Variants in STXBP5L observed in about 807,000 individuals in gnomAD.
STXBP5L encodes syntaxin-binding protein 5-like.
Under a neutral mutation model 144.5 loss-of-function variants are expected in STXBP5L, and 65 were observed. The ratio of observed to expected loss-of-function variants is 0.45; its 90% CI spans 0.37 to 0.55. The LOEUF (loss-of-function observed/expected upper bound fraction) is 0.55, where lower values mean the gene tolerates loss of function less well. STXBP5L is among the 20% of genes least tolerant of loss of function. The pLI is 0.00. For missense variants in STXBP5L, 1,298 were observed against 1,405.5 expected, an observed-to-expected ratio of 0.92 and a Z score of 1.22; for synonymous variants, 505 against 469.6, an observed-to-expected ratio of 1.08 and a Z score of -0.97.
chr3:121,096,704 T>G (rs1013828377), intron 5 of STXBP5L, among the ~76,000 whole-genome samples: 1 of 152,102 alleles, frequency 6.6e-6, no homozygotes, highest in East Asian at 1.9e-4. Flanking sequence ...AAAGCCTGTT[T>G]TTTCCTCTGG....
chr3:120,985,682 T>A (rs9817971), intron 3 of STXBP5L, among the ~76,000 whole-genome samples: 15,088 of 152,014 alleles, frequency 0.099, 1,185 homozygotes, highest in Admixed American at 0.2. Flanking sequence ...TGTCCATTTC[T>A]TCTAGATTCT....
chr3:120,911,087 A>G (rs1024169739), intron 2 of STXBP5L, among the ~76,000 whole-genome samples: 1 of 152,074 alleles, frequency 6.6e-6, no homozygotes, highest in Non-Finnish European at 1.5e-5. Flanking sequence ...AGATTCTGAA[A>G]ATTTTTTCCA....
At chr3:120,920,217 A>T (rs1028313621) in intron 2 of STXBP5L, among the ~76,000 whole-genome samples, 3 of 151,754 alleles carry the variant, frequency 2.0e-5, no homozygotes, top group Non-Finnish European at 4.4e-5. Flanking sequence ...GAAAGTATTT[A>T]ATCTGGGTCA....
At chr3:121,088,060 G>T (rs2042586926) in intron 5 of STXBP5L, among the ~76,000 whole-genome samples, 1 of 152,066 alleles carries the variant, frequency 6.6e-6, no homozygotes, top group Admixed American at 6.5e-5. Context: ...TAATTTAGAA[G>T]CTCCGGCAAC....
intron 20 of STXBP5L, among the ~76,000 whole-genome samples, chr3:121,319,361 C>A (rs1254074789): frequency 1.3e-5 from 2 of 152,084 alleles, no homozygotes; most frequent in African/African-American, 4.8e-5. Flanking sequence ...CATTATAAAG[C>A]AACGAATTTG....
At chr3:121,314,637 G>A (rs922782931) in intron 19 of STXBP5L, among the ~76,000 whole-genome samples, 41 of 151,046 alleles carry the variant, frequency 2.7e-4, no homozygotes, top group African/African-American at 9.5e-4. Flanking sequence ...GAGGGAGAGC[G>A]TAAGCGTAAA....
chr3:121,043,470 G>T (rs1947297654), intron 4 of STXBP5L, among the ~76,000 whole-genome samples: 1 of 115,650 alleles, frequency 8.6e-6, no homozygotes, highest in Non-Finnish European at 2.2e-5. Flanking sequence ...TAGCACTTTG[G>T]GAAGTTAAGG....
chr3:120,993,725 A>G (rs528557903), intron 3 of STXBP5L, among the ~76,000 whole-genome samples: 1 of 152,176 alleles, frequency 6.6e-6, no homozygotes, highest in African/African-American at 2.4e-5. Flanking sequence ...TTTTGACATC[A>G]GGTAGTGTGA....
At chr3:120,936,169 G>T (rs1020099525) in intron 2 of STXBP5L, among the ~76,000 whole-genome samples, 3 of 152,050 alleles carry the variant, frequency 2.0e-5, no homozygotes, top group African/African-American at 7.2e-5. Context: ...CTTCATTTCT[G>T]TTAGAGGGCT....
At chr3:121,033,620 G>GT (rs1288926074) in intron 3 of STXBP5L, among the ~76,000 whole-genome samples, 2 of 150,772 alleles carry the variant, frequency 1.3e-5, no homozygotes, top group Admixed American at 6.6e-5. Flanking sequence ...AAATTCGTGT[G>GT]TTTTTTATGG....
At chr3:120,971,584 T>C (rs1205476007) in intron 3 of STXBP5L, among the ~76,000 whole-genome samples, 1 of 151,686 alleles carries the variant, frequency 6.6e-6, no homozygotes, top group African/African-American at 2.4e-5. Context: ...TGCTGCAAAA[T>C]ACACGACTTT....
At chr3:121,330,114 G>T (rs2044276277) in intron 20 of STXBP5L, among the ~76,000 whole-genome samples, 1 of 152,304 alleles carries the variant, frequency 6.6e-6, no homozygotes, top group East Asian at 1.9e-4. Context: ...GGGCAGACTG[G>T]GAGGGGCATG....
intron 20 of STXBP5L, among the ~76,000 whole-genome samples, chr3:121,364,611 G>A (rs2045812192): frequency 6.6e-6 from 1 of 151,774 alleles, no homozygotes; most frequent in Non-Finnish European, 1.5e-5. Context: ...TTGTTTATAT[G>A]TTCTTTAATT....
intron 9 of STXBP5L, among the ~76,000 whole-genome samples, chr3:121,166,761 A>AG (rs2046514644): frequency 6.6e-6 from 1 of 152,174 alleles, no homozygotes; most frequent in Admixed American, 6.5e-5. Flanking sequence ...GGATTTTGAA[A>AG]GTTTTTCAGA....
intron 17 of STXBP5L, 124 bp from the exon 18 acceptor site, chr3:121,258,919 C>T (rs2050295192): frequency 2.2e-6 from 2 of 893,982 alleles, no homozygotes; most frequent in Admixed American, 3.8e-5. Flanking sequence ...CACCATCCAT[C>T]TGCATGCTGC....
At position 121,423,045 on chromosome 3, in the gene STXBP5L, AT is replaced by A. The variant is rs1379404000; in HGVS notation, c.*3950del. On this transcript the variant is annotated 3_prime_UTR_variant, in exon 27 of 27. Coordinates refer to ENST00000471454, the MANE Select transcript of STXBP5L (RefSeq NM_001308330.2). ...AAAATCCTCTCCTTGGCTTAGGATC[AT>A]TGGGTCAAACTGGGAGTATATCTGT... is the stretch of plus-strand genomic sequence containing the variant. 6.6e-6 allele frequency: 1 copy of A among 152,188 alleles called. No individual in the cohort carries two copies. Among genetic ancestry groups the A allele is most frequent in the Non-Finnish European group, 1.5e-5 (1 of 68,030 alleles). The allele number at this position is 152,188 out of a possible 1,614,324, so 9.4% of individuals were successfully genotyped here.
intron 11 of STXBP5L, among the ~76,000 whole-genome samples, chr3:121,230,705 CA>C (rs1244945696): frequency 6.6e-6 from 1 of 152,178 alleles, no homozygotes; most frequent in Non-Finnish European, 1.5e-5. Context: ...CAGCCAGATA[CA>C]AATAATGATC....
At chr3:120,965,813 G>A (rs1234104952) in intron 3 of STXBP5L, among the ~76,000 whole-genome samples, 2 of 152,076 alleles carry the variant, frequency 1.3e-5, no homozygotes, top group Non-Finnish European at 2.9e-5. Context: ...CTGAAATTGA[G>A]TGTTGGCTTG....
chr3:120,996,237 G>T (rs1433222072), intron 3 of STXBP5L, among the ~76,000 whole-genome samples: 1 of 151,662 alleles, frequency 6.6e-6, no homozygotes, highest in African/African-American at 2.4e-5. Flanking sequence ...GCATATCTCT[G>T]GGTTTATCTT....
Sources: gnomAD v4.1 joint callset for allele counts (sites outside exome capture counted in the v4.1 genomes callset) on GRCh38, gnomAD v4.1.1 for gene constraint, MANE v1.5 for transcripts, NCBI Gene and HGNC (gene_info 2026-07-23, HGNC 2026-07-21) for gene names.